FLT1: variants seen among roughly 807,000 people sequenced by gnomAD.
The protein encoded by FLT1 is fms related receptor tyrosine kinase 1.
A neutral mutation model predicts 156.3 loss-of-function variants in FLT1; 49 were observed. The ratio of observed to expected loss-of-function variants is 0.31; its 90% CI spans 0.25 to 0.40. FLT1 has a LOEUF of 0.40. Ranked by LOEUF, FLT1 falls within the 10% of genes least tolerant of loss-of-function variation. FLT1 has a pLI of 1.00. For missense variants in FLT1, 1,322 were observed against 1,637.2 expected (o/e 0.81, Z 3.32); for synonymous variants, 594 against 583.8 (o/e 1.02, Z -0.25).
rs368505511 is a variant in FLT1, at chr13:28,414,179, T to G, written c.1437-8285A>C. ...CGTATGAGAGAAGAAATCATTTCTC[T>G]TGGATCTCAGTTCTCTGAAAGGTAT... On this transcript the variant is annotated intron_variant, in intron 10 of 29. Coordinates refer to ENST00000282397, the MANE Select transcript of FLT1 (RefSeq NM_002019.4). 3.3e-5 allele frequency among the ~76,000 whole-genome samples: 5 copies of G among 152,356 alleles called. No individual in the cohort carries two copies. The East Asian group carries it at 7.7e-4, about 23-fold the overall frequency.
At chr13:28,425,755 A>C (rs1296082147) in intron 10 of FLT1, among the ~76,000 whole-genome samples, 1 of 152,170 alleles carries the variant, frequency 6.6e-6, no homozygotes, top group Non-Finnish European at 1.5e-5. Context: ...TTTGCATGTT[A>C]GGTTGGCACA....
At chr13:28,412,385 T>TTTCTTTCCTTCTTTCC (rs1555236551) in intron 10 of FLT1, among the ~76,000 whole-genome samples, 2 of 84,940 alleles carry the variant, frequency 2.4e-5, no homozygotes, top group Non-Finnish European at 5.2e-5. Flanking sequence ...TCTTTCTTTC[T>TTTCTTTCCTTCTTTCC]TTCTTTCTTT....
At chr13:28,457,644 C>G (rs188801996) in intron 3 of FLT1, among the ~76,000 whole-genome samples, 22 of 152,274 alleles carry the variant, frequency 1.4e-4, no homozygotes, top group African/African-American at 5.3e-4. Context: ...AGATCACCTC[C>G]TCATCTCCAA....
intron 12 of FLT1, among the ~76,000 whole-genome samples, chr13:28,392,197 C>T (rs1010782952): frequency 2.0e-5 from 3 of 152,140 alleles, no homozygotes; most frequent in East Asian, 1.9e-4. Flanking sequence ...GGGAGCAGGG[C>T]GTAACAGTGG....
intron 16 of FLT1, among the ~76,000 whole-genome samples, 184 bp downstream of exon 16, chr13:28,345,260 AC>A (rs921839150): frequency 6.6e-6 from 1 of 150,982 alleles, no homozygotes. Context: ...TCTTTTGAAC[AC>A]CCCCCCTTGT....
chr13:28,441,410 G>A (rs983718432), intron 3 of FLT1, among the ~76,000 whole-genome samples: 4 of 152,098 alleles, frequency 2.6e-5, no homozygotes, highest in African/African-American at 7.2e-5. Flanking sequence ...ATAAACTCTC[G>A]CTCCTGCTCT....
intron 1 of FLT1, among the ~76,000 whole-genome samples, chr13:28,487,434 G>A (rs1881226751): frequency 6.6e-6 from 1 of 152,232 alleles, no homozygotes; most frequent in Admixed American, 6.5e-5. Context: ...AATTGTTGTA[G>A]CTCTGCCTGT....
intron 10 of FLT1, among the ~76,000 whole-genome samples, chr13:28,417,060 A>G (rs1268399305): frequency 6.6e-6 from 1 of 152,142 alleles, no homozygotes; most frequent in Admixed American, 6.5e-5. Context: ...GACCACCAAT[A>G]ATAAGTCTGT....
At chr13:28,420,614 T>C (rs1333851602) in intron 10 of FLT1, among the ~76,000 whole-genome samples, 1 of 152,216 alleles carries the variant, frequency 6.6e-6, no homozygotes, top group Admixed American at 6.5e-5. Flanking sequence ...TGTTGACTTT[T>C]TCAATTTTTA....
chr13:28,465,963 T>C (rs1441662198), intron 3 of FLT1, among the ~76,000 whole-genome samples: 2 of 152,226 alleles, frequency 1.3e-5, no homozygotes, highest in African/African-American at 2.4e-5. Flanking sequence ...TATATTTAGC[T>C]ATTGATGCTG....
intron 15 of FLT1, among the ~76,000 whole-genome samples, chr13:28,350,730 C>T (rs1565981849): frequency 1.3e-5 from 2 of 152,160 alleles, no homozygotes. Context: ...AGGGACCGAA[C>T]ACAGGTTTCA....
intron 10 of FLT1, among the ~76,000 whole-genome samples, chr13:28,409,812 T>G (rs1256580137): frequency 1.3e-5 from 2 of 151,958 alleles, no homozygotes; most frequent in African/African-American, 4.8e-5. Flanking sequence ...AAAAGACATC[T>G]CAAATATTCA....
intron 3 of FLT1, among the ~76,000 whole-genome samples, chr13:28,445,287 C>T (rs2137574506): frequency 6.6e-6 from 1 of 152,110 alleles, no homozygotes; most frequent in East Asian, 1.9e-4. Context: ...ACCAGCCTGG[C>T]CAACATGGTG....
At chr13:28,306,080 C>A (rs374805410) in intron 29 of FLT1, among the ~76,000 whole-genome samples, 1 of 152,172 alleles carries the variant, frequency 6.6e-6, no homozygotes, top group African/African-American at 2.4e-5. Context: ...GGTAGAGACT[C>A]GCACAGAGAA....
intron 25 of FLT1, among the ~76,000 whole-genome samples, chr13:28,316,788 A>G (rs1489492008): frequency 1.3e-5 from 2 of 151,950 alleles, no homozygotes; most frequent in East Asian, 3.9e-4. Flanking sequence ...AGGCCCGGCT[A>G]ACTTTTGTAT....
At chr13:28,345,341 G>A (rs1872524427) in intron 16 of FLT1, 104 bp downstream of exon 16, 1 of 726,396 alleles carries the variant, frequency 1.4e-6, no homozygotes, top group African/African-American at 1.7e-5. Flanking sequence ...TGAGAGGGAA[G>A]GGAAAGAAAG....
chr13:28,387,713 T>TC, intron 13 of FLT1: 6 of 1,051,038 alleles, frequency 5.7e-6, no homozygotes, highest in Non-Finnish European at 6.9e-6. Flanking sequence ...CTTTTTTTTT[T>TC]CTCCCCCCTC....
chr13:28,420,079 G>A (rs1876914575), intron 10 of FLT1, among the ~76,000 whole-genome samples: 1 of 152,216 alleles, frequency 6.6e-6, no homozygotes, highest in Admixed American at 6.5e-5. Flanking sequence ...AAGTGGCAAA[G>A]GGGCCTTTGG....
chr13:28,417,643 A>T (rs1876732637), intron 10 of FLT1, among the ~76,000 whole-genome samples: 1 of 149,526 alleles, frequency 6.7e-6, no homozygotes, highest in Non-Finnish European at 1.5e-5. Context: ...TCTTTTTAAA[A>T]ATTAAATCTT....
Sources: gnomAD v4.1 joint callset for allele counts (sites outside exome capture counted in the v4.1 genomes callset) on GRCh38, gnomAD v4.1.1 for gene constraint, MANE v1.5 for transcripts, NCBI Gene and HGNC (gene_info 2026-07-23, HGNC 2026-07-21) for gene names.